The following PPARG variants were observed in gnomAD, a reference collection of about 807,000 sequenced individuals.
PPARG encodes the protein peroxisome proliferator-activated receptor gamma.
PPARG carries 17 observed loss-of-function variants against 39.2 expected under a neutral mutation model. That is an observed-to-expected ratio of 0.43 (90% CI 0.30 to 0.65). The LOEUF (loss-of-function observed/expected upper bound fraction) is 0.65, where lower values mean the gene tolerates loss of function less well. PPARG is among the 30% of genes least tolerant of loss of function. The pLI is 0.13. For synonymous variants in PPARG, 223 were observed against 215.7 expected, an observed-to-expected ratio of 1.03 and a Z score of -0.30; for missense variants, 406 against 585.9, an observed-to-expected ratio of 0.69 and a Z score of 3.17.
chr3:12,356,150 A>G (rs1020370679), intron 2 of PPARG, among the ~76,000 whole-genome samples: 11 of 152,244 alleles, frequency 7.2e-5, no homozygotes, highest in Non-Finnish European at 1.6e-4. Context: ...AGTGCTGAAT[A>G]TTTGTGAAAA....
chr3:12,408,442 C>G (rs2050751236), intron 6 of PPARG, among the ~76,000 whole-genome samples: 1 of 151,962 alleles, frequency 6.6e-6, no homozygotes, highest in Admixed American at 6.6e-5. Flanking sequence ...CTCTGCGTAG[C>G]TGATTGGACT....
intron 1 of PPARG, among the ~76,000 whole-genome samples, chr3:12,298,129 C>G (rs2124942632): frequency 6.7e-6 from 1 of 150,132 alleles, no homozygotes; most frequent in South Asian, 2.1e-4. Flanking sequence ...GAAACCCCGT[C>G]TCTACTAAAA....
chr3:12,433,548 AAAAAG>A (rs1177286754), intron 7 of PPARG, among the ~76,000 whole-genome samples: 56 of 151,850 alleles, frequency 3.7e-4, no homozygotes, highest in East Asian at 9.7e-4. Flanking sequence ...AAAAAAAAAA[AAAAAG>A]AAAAGAAAAG....
intron 1 of PPARG, among the ~76,000 whole-genome samples, chr3:12,302,054 G>A (rs1307895886): frequency 6.6e-6 from 1 of 152,168 alleles, no homozygotes; most frequent in Non-Finnish European, 1.5e-5. Context: ...ACAATTCACA[G>A]CAGTATGTGA....
At chr3:12,343,798 AC>A (rs2048251070) in intron 2 of PPARG, among the ~76,000 whole-genome samples, 1 of 148,238 alleles carries the variant, frequency 6.7e-6, no homozygotes, top group South Asian at 2.1e-4. Flanking sequence ...TCATAACATC[AC>A]CCTCATTCTT....
chr3:12,308,198 G>T (rs915003860), intron 1 of PPARG, among the ~76,000 whole-genome samples: 3 of 151,934 alleles, frequency 2.0e-5, no homozygotes, highest in African/African-American at 7.3e-5. Flanking sequence ...TGAAAAATTA[G>T]CCAGGTGTGA....
At chr3:12,396,650 C>T (rs1031354901) in intron 5 of PPARG, among the ~76,000 whole-genome samples, 11 of 150,614 alleles carry the variant, frequency 7.3e-5, no homozygotes, top group African/African-American at 1.5e-4. Context: ...TTCAGCTACT[C>T]GGGAGTCTGG....
At chr3:12,407,592 A>G (rs1435134327) in intron 6 of PPARG, among the ~76,000 whole-genome samples, 1 of 152,224 alleles carries the variant, frequency 6.6e-6, no homozygotes, top group Admixed American at 6.5e-5. Flanking sequence ...CTATGCAGTC[A>G]TTTATTTTCA....
chr3:12,368,214 C>T (rs76976461), intron 2 of PPARG, among the ~76,000 whole-genome samples: 145,662 of 145,742 alleles, frequency 1, 72,791 homozygotes, highest in Middle Eastern at 1. Context: ...CAGTGTCTCT[C>T]TCTGTTGCCC....
At chr3:12,340,233 C>T (rs1385654993) in intron 2 of PPARG, among the ~76,000 whole-genome samples, 1 of 152,174 alleles carries the variant, frequency 6.6e-6, no homozygotes, top group Non-Finnish European at 1.5e-5. Context: ...TTGGCTTGTC[C>T]ACCTCCCTGA....
intron 2 of PPARG, among the ~76,000 whole-genome samples, chr3:12,315,535 G>A (rs1328046203): frequency 6.6e-6 from 1 of 152,208 alleles, no homozygotes; most frequent in African/African-American, 2.4e-5. Flanking sequence ...GGTCACAATG[G>A]AGTCACTAAA....
At chr3:12,395,405 G>A (rs573470830) in intron 5 of PPARG, among the ~76,000 whole-genome samples, 1 of 152,322 alleles carries the variant, frequency 6.6e-6, no homozygotes, top group South Asian at 2.1e-4. Flanking sequence ...CGGGCAGTTG[G>A]TTTGATGGTT....
intron 2 of PPARG, among the ~76,000 whole-genome samples, chr3:12,376,699 G>A (rs576536210): frequency 1.3e-5 from 2 of 152,292 alleles, no homozygotes; most frequent in East Asian, 1.9e-4. Context: ...CACATGGGAA[G>A]TGCTTGATCA....
chr3:12,372,006 A>G, intron 2 of PPARG: 1 of 717,106 alleles, frequency 1.4e-6, no homozygotes, highest in Non-Finnish European at 2.6e-6. Context: ...TATGAGTACC[A>G]TGACATTAAC....
upstream of PPARG, among the ~76,000 whole-genome samples, chr3:12,288,581 G>T (rs1272540494): frequency 1.3e-5 from 2 of 152,070 alleles, no homozygotes. Context: ...TCCTGAGGCC[G>T]CGCGGCACCC....
intron 2 of PPARG, among the ~76,000 whole-genome samples, chr3:12,378,248 C>T (rs534808788): frequency 1.3e-5 from 2 of 152,286 alleles, no homozygotes; most frequent in Admixed American, 1.3e-4. Flanking sequence ...AGCATATGAT[C>T]TAGCAATCCT....
chr3:12,307,327 G>A (rs376254074), intron 1 of PPARG, among the ~76,000 whole-genome samples: 7 of 152,000 alleles, frequency 4.6e-5, no homozygotes, highest in Non-Finnish European at 7.4e-5. Flanking sequence ...GGGGTTAGGG[G>A]ACAGATCCGT....
chr3:12,399,242 A>G (rs1360017716), intron 5 of PPARG: 2 of 403,314 alleles, frequency 5.0e-6, no homozygotes, highest in Non-Finnish European at 4.9e-6. Flanking sequence ...TTTGAAAGAA[A>G]CCTAAGAAAA....
rs1249194793 is a variant in PPARG at position 12,387,215 on chromosome 3, A to G, written c.391-5399A>G. 3.3e-5 allele frequency among the ~76,000 whole-genome samples: 5 copies of G among 152,200 alleles called. No homozygotes were observed. In the East Asian group the frequency reaches 7.7e-4, roughly 23 times the overall value. On this transcript the variant is annotated intron_variant, in intron 4 of 7. Coordinates refer to ENST00000651735, the MANE Select transcript of PPARG (RefSeq NM_138711.6). ...GTGTCTTTATAGTAGCATGACTTAT[A>G]ATCCTTTGGATATATACCCAGTAAT... is the stretch of plus-strand genomic sequence containing the variant.
Sources: gnomAD v4.1 joint callset for allele counts (sites outside exome capture counted in the v4.1 genomes callset) on GRCh38, gnomAD v4.1.1 for gene constraint, MANE v1.5 for transcripts, NCBI Gene and HGNC (gene_info 2026-07-23, HGNC 2026-07-21) for gene names.